Variants in MDGA2 observed in about 807,000 individuals in gnomAD.
The protein encoded by MDGA2 is MAM domain-containing glycosylphosphatidylinositol anchor protein 2.
MDGA2 carries 40 observed loss-of-function variants against 117.8 expected under a neutral mutation model. That is an observed-to-expected ratio of 0.34 (90% CI 0.26 to 0.44). The LOEUF is 0.44. Among genes scored for constraint, MDGA2 ranks in the 20% least tolerant of loss-of-function variants. The probability of loss-of-function intolerance (pLI) is 1.00; values close to 1 mark genes in which losing one functional copy is unlikely to be tolerated. For missense variants in MDGA2, 1,123 were observed against 1,250.6 expected (o/e 0.90, Z 1.54); for synonymous variants, 452 against 439.0 (o/e 1.03, Z -0.37).
rs1342691280 is a variant in MDGA2, at chr14:47,088,787, T to G, written c.1195+8067A>C. Among the ~76,000 whole-genome samples the G allele has an allele frequency of 3.9e-5, 6 of 152,306 alleles. No homozygotes were observed. In the East Asian group the frequency reaches 1.2e-3, roughly 29 times the overall value. On this transcript the variant is annotated intron_variant, in intron 6 of 16. Transcript: ENST00000399232. ...GGATATTTTGTATCTTTGTCTTTAG[T>G]GATTCCCACTGATATCTTCCAGTAA... is the stretch of plus-strand genomic sequence containing the variant.
intron 11 of MDGA2, among the ~76,000 whole-genome samples, chr14:46,879,825 A>C (rs1311170577): frequency 6.6e-6 from 1 of 152,126 alleles, no homozygotes; most frequent in Non-Finnish European, 1.5e-5. Flanking sequence ...TCTACATTAT[A>C]CATCTTATTT....
intron 1 of MDGA2, among the ~76,000 whole-genome samples, chr14:47,364,684 T>A (rs1454113512): frequency 6.6e-6 from 1 of 152,222 alleles, no homozygotes; most frequent in Non-Finnish European, 1.5e-5. Flanking sequence ...TTGGTGTTAT[T>A]TTAAATAAAA....
At chr14:47,412,242 T>G (rs1284347508) in intron 1 of MDGA2, among the ~76,000 whole-genome samples, 2 of 152,104 alleles carry the variant, frequency 1.3e-5, no homozygotes, top group Non-Finnish European at 2.9e-5. Context: ...TGCAGACAAC[T>G]ATTTAGAAGA....
rs564306531 is a variant in MDGA2 at position 47,460,089 on chromosome 14, C to T, written c.281-158539G>A. On this transcript the variant is annotated intron_variant, in intron 1 of 16. Transcript: ENST00000399232. ...TCATTGATCTGATTCTAATATTTAA[C>T]GATGAAAGGTGATATCATTTTCTTC... Among the ~76,000 whole-genome samples, 37 of 152,046 alleles carry T rather than the reference C, an allele frequency of 2.4e-4. 1 individual carries two copies. The highest frequency in any genetic ancestry group is 7.2e-4 in the African/African-American group (30 of 41,470).
In MDGA2 at chr14:46,884,070, T is replaced by C. The variant is rs1882571586; in HGVS notation, c.2239-1849A>G. Among the ~76,000 whole-genome samples, 1 of 152,094 alleles carries C rather than the reference T, an allele frequency of 6.6e-6. No homozygotes were observed. The highest frequency in any genetic ancestry group is 2.4e-5 in the African/African-American group (1 of 41,436). On this transcript the variant is annotated intron_variant, in intron 10 of 16. Coordinates refer to ENST00000399232, the MANE Select transcript of MDGA2 (RefSeq NM_001113498.3). The surrounding 1 kb of genome is among the most constrained non-coding windows in gnomAD (Gnocchi z 4.1). ...ATTATTGGGGGTTATCTGTGGCCTA[T>C]GACAAAGACATATTCTGTATAGATG... is the stretch of plus-strand genomic sequence containing the variant.
intron 5 of MDGA2, among the ~76,000 whole-genome samples, chr14:47,100,476 T>G: frequency 6.6e-6 from 1 of 152,262 alleles, no homozygotes; most frequent in Admixed American, 6.5e-5. Flanking sequence ...ACATGGAAGG[T>G]CATAGAGGTC....
chr14:46,846,334 A>G (rs543777435), intron 15 of MDGA2, among the ~76,000 whole-genome samples: 21 of 152,272 alleles, frequency 1.4e-4, no homozygotes, highest in Admixed American at 5.2e-4. Flanking sequence ...AGCCCGGAAC[A>G]AAGTGTTTCT....
At chr14:47,359,225 G>A (rs1291423244) in intron 1 of MDGA2, among the ~76,000 whole-genome samples, 2 of 152,038 alleles carry the variant, frequency 1.3e-5, no homozygotes, top group Admixed American at 6.6e-5. Flanking sequence ...GTGGTGGCAC[G>A]CACCTGTAGT....
intron 6 of MDGA2, among the ~76,000 whole-genome samples, chr14:47,084,959 A>G (rs1201497873): frequency 6.6e-6 from 1 of 152,104 alleles, no homozygotes; most frequent in Non-Finnish European, 1.5e-5. Flanking sequence ...CAGAATCTAA[A>G]TTCTGATCAA....
chr14:47,213,631 G>GTTTC (rs2139491118), intron 3 of MDGA2, among the ~76,000 whole-genome samples: 1 of 151,824 alleles, frequency 6.6e-6, no homozygotes, highest in African/African-American at 2.4e-5. Flanking sequence ...TTGTTTTACT[G>GTTTC]TTTTCCAGCC....
intron 2 of MDGA2, among the ~76,000 whole-genome samples, chr14:47,256,062 T>C (rs79099320): frequency 0.034 from 5,217 of 152,032 alleles, 198 homozygotes; most frequent in East Asian, 0.18. Context: ...GTTTGGGTTA[T>C]TTTAATGGGC....
intron 5 of MDGA2, among the ~76,000 whole-genome samples, chr14:47,103,112 G>A (rs950596431): frequency 6.6e-6 from 1 of 152,144 alleles, no homozygotes; most frequent in African/African-American, 2.4e-5. Context: ...ACACAATTAA[G>A]TTTCCGCTTC....
intron 1 of MDGA2, among the ~76,000 whole-genome samples, chr14:47,540,540 G>GTGTATATATATATATATATATATA: frequency 1.3e-5 from 1 of 79,182 alleles, no homozygotes; most frequent in African/African-American, 3.9e-5. Context: ...GTGTGTGTGT[G>GTGTATATATATATATATATATATA]TATATATATA....
intron 6 of MDGA2, among the ~76,000 whole-genome samples, chr14:47,092,151 C>T (rs987528392): frequency 3.3e-5 from 5 of 151,994 alleles, no homozygotes; most frequent in African/African-American, 9.7e-5. Flanking sequence ...AGTGATACAT[C>T]GATGATTTGG....
At chr14:47,180,692 GC>G (rs1351491935) in intron 3 of MDGA2, among the ~76,000 whole-genome samples, 2 of 152,110 alleles carry the variant, frequency 1.3e-5, no homozygotes, top group Non-Finnish European at 2.9e-5. Flanking sequence ...CCTTTGGGAG[GC>G]CAGTGGATCA....
At chr14:47,458,188 C>A (rs1202254256) in intron 1 of MDGA2, among the ~76,000 whole-genome samples, 1 of 152,014 alleles carries the variant, frequency 6.6e-6, no homozygotes, top group African/African-American at 2.4e-5. Flanking sequence ...GATATGAATT[C>A]TTTATCAGAC....
rs905317100 is a variant in MDGA2, at chr14:47,629,834, T to C, written c.280+44683A>G. Among the ~76,000 whole-genome samples, 3 of 152,172 alleles carry C rather than the reference T, an allele frequency of 2.0e-5. No homozygotes were observed. In the East Asian group the frequency reaches 5.8e-4, roughly 29 times the overall value. On this transcript the variant is annotated intron_variant, in intron 1 of 16. Transcript: ENST00000399232. ...GAAGAAAAGGCTTCCCTTGAGGCACTTGGGCTTCTCAAACATTACTGTGAA... is the reference window on the plus strand; with the variant it reads ...GAAGAAAAGGCTTCCCTTGAGGCACCTGGGCTTCTCAAACATTACTGTGAA...
At chr14:46,988,350 C>T (rs1886945583) in intron 8 of MDGA2, among the ~76,000 whole-genome samples, 1 of 151,908 alleles carries the variant, frequency 6.6e-6, no homozygotes, top group South Asian at 2.1e-4. Flanking sequence ...ATAAGAGTAG[C>T]ATAATTTTGA....
At chr14:47,301,769 G>T (rs1346578218) in intron 1 of MDGA2, among the ~76,000 whole-genome samples, 3 of 152,142 alleles carry the variant, frequency 2.0e-5, no homozygotes, top group African/African-American at 7.2e-5. Context: ...AGGGGAACAA[G>T]GTAGTGGAAG....
Sources: gnomAD v4.1 joint callset for allele counts (sites outside exome capture counted in the v4.1 genomes callset) on GRCh38, gnomAD v4.1.1 for gene constraint, Gnocchi (gnomAD v3.1) non-coding constraint, MANE v1.5 for transcripts, NCBI Gene and HGNC (gene_info 2026-07-23, HGNC 2026-07-21) for gene names.